Variants in SLC39A14 observed in about 807,000 individuals in gnomAD.
SLC39A14 encodes solute carrier family 39 member 14, also known as metal cation symporter ZIP14.
Under a neutral mutation model 45.5 loss-of-function variants are expected in SLC39A14, and 19 were observed. That is an observed-to-expected ratio of 0.42 (90% CI 0.29 to 0.61). The LOEUF (loss-of-function observed/expected upper bound fraction) is 0.61. SLC39A14 is among the 20% of genes least tolerant of loss of function. The pLI is 0.22. For synonymous variants in SLC39A14, 264 were observed against 251.3 expected (o/e 1.05, Z -0.48); for missense variants, 447 against 616.5 (o/e 0.73, Z 2.91).
intron 8 of SLC39A14, among the ~76,000 whole-genome samples, chr8:22,432,653 T>A (rs1338563666): frequency 6.7e-6 from 1 of 149,906 alleles, no homozygotes; most frequent in African/African-American, 2.5e-5. Flanking sequence ...TAATTTTTTT[T>A]TTTTTTTTTT....
At chr8:22,382,301 G>A (rs1208518707) in intron 1 of SLC39A14, among the ~76,000 whole-genome samples, 8 of 152,134 alleles carry the variant, frequency 5.3e-5, no homozygotes, top group African/African-American at 1.7e-4. Flanking sequence ...TTATAAAGAC[G>A]GAATAATTTA....
intron 1 of SLC39A14, among the ~76,000 whole-genome samples, chr8:22,377,356 C>T (rs1833273043): frequency 2.0e-5 from 3 of 152,016 alleles, no homozygotes; most frequent in African/African-American, 2.4e-5. Context: ...TGCCCCAGCC[C>T]TAGAGTCAGG....
At chr8:22,398,253 G>T in intron 1 of SLC39A14, 1 of 152,138 alleles carries the variant, frequency 6.6e-6, no homozygotes, top group Non-Finnish European at 1.5e-5. Flanking sequence ...TAAAACCCCG[G>T]TTTAGACTGT....
intron 8 of SLC39A14, among the ~76,000 whole-genome samples, chr8:22,430,323 C>G (rs1010620848): frequency 6.6e-6 from 1 of 152,226 alleles, no homozygotes; most frequent in Non-Finnish European, 1.5e-5. Context: ...CTGCCTCAGC[C>G]TCCCAGAGTG....
At position 22,420,501 on chromosome 8, in the gene SLC39A14, T is replaced by G; in HGVS notation, c.*803T>G. On this transcript the variant is annotated 3_prime_UTR_variant, in exon 9 of 9. Coordinates refer to ENST00000381237, the MANE Select transcript of SLC39A14 (RefSeq NM_001128431.4). The stretch of plus-strand genomic sequence containing the variant: ...TCTGCAAGAAAACAGTTGGTTTGGC[T>G]GTGATTTTGACCTCCTCTTCCCCAC... The G allele has an allele frequency of 1.0e-6, 1 of 985,450 alleles. No individual in the cohort carries two copies. The highest frequency in any genetic ancestry group is 1.2e-6 in the Non-Finnish European group (1 of 829,958). 61.0% of individuals were successfully genotyped at this position (985,450 alleles called of 1,614,324 possible). A position where few individuals can be genotyped will look rare whatever the true frequency, so the allele number is the denominator to read the frequency against.
chr8:22,383,583 G>A (rs1319039445), intron 1 of SLC39A14, among the ~76,000 whole-genome samples: 1 of 152,172 alleles, frequency 6.6e-6, no homozygotes, highest in African/African-American at 2.4e-5. Context: ...CTGGGCGCTT[G>A]TTTTCTTAGA....
At chr8:22,376,102 T>C (rs934125688) in intron 1 of SLC39A14, among the ~76,000 whole-genome samples, 4 of 152,204 alleles carry the variant, frequency 2.6e-5, no homozygotes, top group African/African-American at 9.6e-5. Flanking sequence ...TCTCCCTCTT[T>C]TCTTGCTAGA....
Position 22,421,759 on chromosome 8 carries a change from C to T in SLC39A14, c.*2061C>T, listed in dbSNP as rs1586757482. The T allele has an allele frequency of 1.0e-6, 1 of 983,940 alleles. No homozygotes were observed. The highest frequency in any genetic ancestry group is 4.7e-5 in the South Asian group (1 of 21,264). 61.0% of individuals were successfully genotyped at this position (983,940 alleles called of 1,614,324 possible). On this transcript the variant is annotated 3_prime_UTR_variant, in exon 9 of 9. Transcript: ENST00000381237. ...CCTATCATTCCTTAAACATAATACC[C>T]TTTGTCTTGGAGTAGAATACTAAGT...
At chr8:22,391,519 T>C (rs1834069393) in intron 1 of SLC39A14, among the ~76,000 whole-genome samples, 1 of 151,888 alleles carries the variant, frequency 6.6e-6, no homozygotes, top group South Asian at 2.1e-4. Context: ...AGTTGGTCTG[T>C]GGGCCAAGGA....
chr8:22,419,918 C>A lies in SLC39A14; in HGVS notation c.*220C>A. The A allele has an allele frequency of 1.6e-6, 2 of 1,242,194 alleles. No homozygotes were observed. The highest frequency in any genetic ancestry group is 6.7e-5 in the South Asian group (2 of 29,960). The allele number at this position is 1,242,194 out of a possible 1,614,324, so 76.9% of individuals were successfully genotyped here. A position where few individuals can be genotyped will look rare whatever the true frequency, so the allele number is the denominator to read the frequency against. On this transcript the variant is annotated 3_prime_UTR_variant, in exon 9 of 9. Transcript: ENST00000381237. ...CTCTAGCTAGTGCCTCTTGCCCTCT[C>A]CTCACCTCCTTTTCTCTCAGTGACT...
At chr8:22,368,834 C>T (rs1172804712) in intron 1 of SLC39A14, among the ~76,000 whole-genome samples, 2 of 152,184 alleles carry the variant, frequency 1.3e-5, no homozygotes, top group African/African-American at 2.4e-5. Context: ...CCCTGCCCGG[C>T]CTATCCTTAC....
Position 22,421,776 on chromosome 8 carries a change from A to C in SLC39A14, c.*2078A>C. 2.0e-6 allele frequency: 2 copies of C among 983,930 alleles called. No homozygotes were observed. The highest frequency in any genetic ancestry group is 2.4e-6 in the Non-Finnish European group (2 of 828,520). 60.9% of individuals were successfully genotyped at this position (983,930 alleles called of 1,614,324 possible). On this transcript the variant is annotated 3_prime_UTR_variant, in exon 9 of 9. Transcript: ENST00000381237. ...ATAATACCCTTTGTCTTGGAGTAGA[A>C]TACTAAGTTAGAGTTAGTGGATTTC...
In SLC39A14 at chr8:22,379,041, C is replaced by T. The variant is rs1300935788; in HGVS notation, c.-16+11633C>T. Among the ~76,000 whole-genome samples, 2 of 152,164 alleles carry T rather than the reference C, an allele frequency of 1.3e-5. 1 individual carries two copies. Among genetic ancestry groups the T allele is most frequent in the Admixed American group, 1.3e-4 (2 of 15,268 alleles). On this transcript the variant is annotated intron_variant, in intron 1 of 8. Coordinates refer to ENST00000381237, the MANE Select transcript of SLC39A14 (RefSeq NM_001128431.4). ...CTTCTGACAGCTCTAGGGGAGAATGCTTCCTTCTTTTCCCAGCTTTTGGTG... is the reference window on the plus strand; with the variant it reads ...CTTCTGACAGCTCTAGGGGAGAATGTTTCCTTCTTTTCCCAGCTTTTGGTG...
downstream of SLC39A14, among the ~76,000 whole-genome samples, chr8:22,426,848 T>C (rs1836395061): frequency 2.0e-5 from 3 of 152,162 alleles, 1 homozygote; most frequent in South Asian, 6.2e-4. Flanking sequence ...CATGCACAGC[T>C]AATTTTTGTG....
At chr8:22,400,415 A>G (rs1338165076) in intron 1 of SLC39A14, among the ~76,000 whole-genome samples, 2 of 152,200 alleles carry the variant, frequency 1.3e-5, no homozygotes, top group Non-Finnish European at 2.9e-5. Context: ...TTTCTTTTCT[A>G]AATACAGGCA....
At chr8:22,376,689 C>T (rs892360417) in intron 1 of SLC39A14, among the ~76,000 whole-genome samples, 21 of 152,158 alleles carry the variant, frequency 1.4e-4, no homozygotes, top group Admixed American at 3.3e-4. Flanking sequence ...ACCAGCCTAG[C>T]CAACATGGTG....
intron 3 of SLC39A14, among the ~76,000 whole-genome samples, chr8:22,409,462 A>C (rs111351653): frequency 0.032 from 4,819 of 151,580 alleles, 250 homozygotes; most frequent in African/African-American, 0.11. Flanking sequence ...GGCTCACTGC[A>C]ACCTCCGCCT....
intron 1 of SLC39A14, among the ~76,000 whole-genome samples, chr8:22,402,261 T>C (rs368818395): frequency 6.6e-6 from 1 of 152,114 alleles, no homozygotes; most frequent in African/African-American, 2.4e-5. Context: ...GGCAGGTGCC[T>C]GTAGTCCCAG....
In SLC39A14 at chr8:22,422,401, T is replaced by G; in HGVS notation, c.*2703T>G. The G allele has an allele frequency of 2.0e-6, 2 of 985,874 alleles. No homozygotes were observed. The highest frequency in any genetic ancestry group is 2.4e-6 in the Non-Finnish European group (2 of 829,924). The allele number at this position is 985,874 out of a possible 1,614,324, so 61.1% of individuals were successfully genotyped here. ...TAACCTTGGGTTTTAAAAAGAAGGC[T>G]TCTCTGTTTGGGTAGCGTAAGAGCT... On this transcript the variant is annotated 3_prime_UTR_variant, in exon 9 of 9. Coordinates refer to ENST00000381237, the MANE Select transcript of SLC39A14 (RefSeq NM_001128431.4).
Sources: allele counts gnomAD v4.1 joint callset (sites outside exome capture counted in the v4.1 genomes callset), GRCh38; gene constraint gnomAD v4.1.1; transcripts MANE v1.5; gene names NCBI Gene and HGNC (gene_info 2026-07-23, HGNC 2026-07-21).